The following NFKB2 variants were observed in gnomAD, a reference collection of about 807,000 sequenced individuals.
The protein encoded by NFKB2 is nuclear factor NF-kappa-B p100 subunit.
Under a neutral mutation model 109.3 loss-of-function variants are expected in NFKB2, and 21 were observed. The observed-to-expected ratio is 0.19, with a 90% CI of 0.14 to 0.28. NFKB2 has a LOEUF of 0.28. Ranked by LOEUF, NFKB2 falls within the 10% of genes least tolerant of loss-of-function variation. NFKB2 has a pLI of 1.00. For synonymous variants in NFKB2, 478 were observed against 489.9 expected (o/e 0.98, Z 0.32); for missense variants, 806 against 1,185.3 (o/e 0.68, Z 4.70).
Position 102,399,990 on chromosome 10 carries a change from C to G in NFKB2, c.1470-90C>G, listed in dbSNP as rs2061199422. On this transcript the variant is annotated intron_variant, in intron 14 of 22. Coordinates refer to ENST00000661543, the MANE Select transcript of NFKB2 (RefSeq NM_001322934.2). ...GGGCCACGTGCTGGGTTCCATGGGC[C>G]CCAGCGAGGGAGACTATGAGGGCGG... The G allele has an allele frequency of 2.5e-5, 34 of 1,354,810 alleles. No homozygotes were observed. In the South Asian group the frequency reaches 3.7e-4, roughly 15 times the overall value. 83.9% of individuals were successfully genotyped at this position (1,354,810 alleles called of 1,614,324 possible).
chr10:102,397,485 G>T lies in NFKB2; in HGVS notation c.503-42G>T. ...TGGGAGGTGCTCATGGAAGGAGCAG[G>T]GAGGGAGAAGCCCAGGGGTCACACA... is the stretch of plus-strand genomic sequence containing the variant. On this transcript the variant is annotated intron_variant, in intron 7 of 22. Transcript: ENST00000661543. The surrounding 1 kb of genome is among the most constrained non-coding windows in gnomAD (Gnocchi z 4.7). 1 of 1,608,822 alleles carries T rather than the reference G, an allele frequency of 6.2e-7. No individual in the cohort carries two copies. The highest frequency in any genetic ancestry group is 8.5e-7 in the Non-Finnish European group (1 of 1,177,004).
upstream of NFKB2, chr10:102,395,646 G>A (rs2061092772): frequency 2.0e-6 from 1 of 491,432 alleles, no homozygotes; most frequent in Non-Finnish European, 3.7e-6. Flanking sequence ...TCATTTCCAG[G>A]CCCGCCCCCT....
At chr10:102,399,739 CG>C in intron 14 of NFKB2, 21 bp downstream of exon 14, 1 of 1,447,562 alleles carries the variant, frequency 6.9e-7, no homozygotes. Context: ...GAGGGCCTGG[CG>C]GACGAGGCGC....
chr10:102,395,418 C>G (rs773650272), upstream of NFKB2, among the ~76,000 whole-genome samples: 1 of 151,718 alleles, frequency 6.6e-6, no homozygotes, highest in Admixed American at 6.5e-5. Flanking sequence ...TGCTCCAGAC[C>G]GGGGGAGGGG....
At position 102,402,468 on chromosome 10, in the gene NFKB2, A is replaced by T. The variant is rs1164711461; in HGVS notation, c.*92A>T. 2 of 702,900 alleles carry T rather than the reference A, an allele frequency of 2.8e-6. No individual in the cohort carries two copies. The highest frequency in any genetic ancestry group is 3.7e-5 in the African/African-American group (2 of 54,562). 43.5% of individuals were successfully genotyped at this position (702,900 alleles called of 1,614,324 possible). A position where few individuals can be genotyped will look rare whatever the true frequency, so the allele number is the denominator to read the frequency against. ...ATTTAACACCCCACACCCACCCCTC[A>T]GTTGGGACAAATAAAGGATTCTCAT... On this transcript the variant is annotated 3_prime_UTR_variant, in exon 23 of 23. Coordinates refer to ENST00000661543, the MANE Select transcript of NFKB2 (RefSeq NM_001322934.2).
Position 102,399,672 on chromosome 10 carries a change from G to C in NFKB2, c.1423G>C (p.Ala475Pro). The C allele has an allele frequency of 2.0e-6, 3 of 1,524,536 alleles. No individual in the cohort carries two copies. The highest frequency in any genetic ancestry group is 2.6e-6 in the Non-Finnish European group (3 of 1,134,214). The allele number at this position is 1,524,536 out of a possible 1,614,324, so 94.4% of individuals were successfully genotyped here. A position where few individuals can be genotyped will look rare whatever the true frequency, so the allele number is the denominator to read the frequency against. The change falls in exon 14 of 23, where the codon GCG becomes CCG. Residue 475 changes from alanine (A) to proline (P), a missense_variant. Transcript: ENST00000661543. ...GVTADARALL[A>P]GQRHLLTAQD... is the part of the protein sequence containing the mutation. ...CACCGCGGACGCGCGCGCGCTGCTG[G>C]CGGGACAGCGCCACCTGCTGACGGC...
rs1307905805 is a variant in NFKB2 at position 102,395,721 on chromosome 10, C to G, written c.-148C>G. On this transcript the variant is annotated 5_prime_UTR_variant, in exon 1 of 23. Transcript: ENST00000661543. ...AGCTGCTCTAACTTTCCTGCCCCTT[C>G]CCCGGCCAAGCCCAACTCCGGATCT... The G allele has an allele frequency of 8.4e-6, 5 of 594,690 alleles. No homozygotes were observed. The highest frequency in any genetic ancestry group is 1.5e-5 in the Non-Finnish European group (5 of 332,368). 36.8% of individuals were successfully genotyped at this position (594,690 alleles called of 1,614,324 possible).
Position 102,398,918 on chromosome 10 carries a change from A to G in NFKB2, c.1117+54A>G, listed in dbSNP as rs903798897. ...AAAGGTAAGAGAAGCTGTGGAGGAAAAAAATCTGGGGGAGGCCGGGCGTGG... is the reference window on the plus strand; with the variant it reads ...AAAGGTAAGAGAAGCTGTGGAGGAAGAAAATCTGGGGGAGGCCGGGCGTGG... On this transcript the variant is annotated intron_variant, in intron 12 of 22. Transcript: ENST00000661543. The surrounding 1 kb of genome is among the most constrained non-coding windows in gnomAD (Gnocchi z 6.6). 3 of 1,563,316 alleles carry G rather than the reference A, an allele frequency of 1.9e-6. No homozygotes were observed. The highest frequency in any genetic ancestry group is 2.4e-5 in the South Asian group (2 of 82,654).
At position 102,397,089 on chromosome 10, in the gene NFKB2, T is replaced by C. The variant is rs767803733; in HGVS notation, c.395+34T>C. 1.8e-5 allele frequency: 29 copies of C among 1,596,368 alleles called. No homozygotes were observed. The highest frequency in any genetic ancestry group is 2.3e-5 in the Non-Finnish European group (27 of 1,166,790). On this transcript the variant is annotated intron_variant, in intron 6 of 22. Coordinates refer to ENST00000661543, the MANE Select transcript of NFKB2 (RefSeq NM_001322934.2). This position sits in a 1 kb window ranked among gnomAD's most constrained non-coding sequence, Gnocchi z 4.7. ...CCTCTACGCCTGGCCCCCACTGGTA[T>C]GCCCGTCTGCCAGTCCCAGGCCCCA...
At chr10:102,399,016 C>T (rs1342809624) in intron 12 of NFKB2, 152 bp downstream of exon 12, 2 of 880,728 alleles carry the variant, frequency 2.3e-6, no homozygotes, top group Non-Finnish European at 3.4e-6. Context: ...AGTTCAAGAC[C>T]AGCTTGGCCA....
In NFKB2 at chr10:102,399,565, T is replaced by G; in HGVS notation, c.1328-12T>G. The G allele has an allele frequency of 1.3e-6, 2 of 1,548,844 alleles. No individual in the cohort carries two copies. The highest frequency in any genetic ancestry group is 1.7e-6 in the Non-Finnish European group (2 of 1,146,756). ...GGACCTAGCCCTGACCCACGCCCTC[T>G]GTGGCCCGTAGCTCGAGAGTACAAC... On this transcript the variant is annotated splice_polypyrimidine_tract_variant and intron_variant, in intron 13 of 22. Transcript: ENST00000661543.
chr10:102,401,748 C>T lies in NFKB2; in HGVS notation c.2297C>T (p.Pro766Leu), dbSNP rs535059248. Residue 766 changes from proline (P) to leucine (L), a missense_variant, in exon 21 of 23, where the codon CCG becomes CTG. Pro to Leu is a moderately conservative substitution (Grantham distance 98). This residue lies in a region of NFKB2 where 211 missense variants were observed against 268.7 expected (regional missense o/e 0.79). Coordinates refer to ENST00000661543, the MANE Select transcript of NFKB2 (RefSeq NM_001322934.2). This position sits in a 1 kb window ranked among gnomAD's most constrained non-coding sequence, Gnocchi z 4.2. ...PPLTPPSPAGPGLSLGDTALQ... is the reference protein window; with the variant it reads ...PPLTPPSPAGLGLSLGDTALQ... ...TCTGTATGTGTGTCCCCCTAAGGGC[C>T]GGGACTGTCACTTGGTGATACAGCT... 9 of 1,598,454 alleles carry T rather than the reference C, an allele frequency of 5.6e-6. No homozygotes were observed. The highest frequency in any genetic ancestry group is 3.3e-5 in the South Asian group (3 of 89,674).
chr10:102,395,687 A>G, upstream of NFKB2: 2 of 491,802 alleles, frequency 4.1e-6, no homozygotes, highest in Non-Finnish European at 7.3e-6. Context: ...TATTTTCGGG[A>G]CTTTCCTAAG....
Position 102,397,759 on chromosome 10 carries a change from G to A in NFKB2, c.661+74G>A. On this transcript the variant is annotated intron_variant, in intron 8 of 22. Coordinates refer to ENST00000661543, the MANE Select transcript of NFKB2 (RefSeq NM_001322934.2). This position sits in a 1 kb window ranked among gnomAD's most constrained non-coding sequence, Gnocchi z 4.7. ...ATGAGGGGTGACCTCAAGCTGTGCAGTCAAACAGACCCAGGTTTCAGAACC... is the reference window on the plus strand; with the variant it reads ...ATGAGGGGTGACCTCAAGCTGTGCAATCAAACAGACCCAGGTTTCAGAACC... 1.9e-6 allele frequency: 3 copies of A among 1,539,780 alleles called. No homozygotes were observed. The highest frequency in any genetic ancestry group is 2.6e-6 in the Non-Finnish European group (3 of 1,133,032).
chr10:102,397,589 A>G lies in NFKB2; in HGVS notation c.565A>G (p.Ile189Val), dbSNP rs2061140048. 1 of 1,614,096 alleles carries G rather than the reference A, an allele frequency of 6.2e-7. No homozygotes were observed. The highest frequency in any genetic ancestry group is 8.5e-7 in the Non-Finnish European group (1 of 1,179,950). ...KELKKVMDLS[I>V]VRLRFSAFLR... Reference sequence around the variant, plus strand: ...ACTGAAGAAGGTGATGGATCTGAGTATAGTGCGGCTGCGCTTCTCTGCCTT... The same window carrying G: ...ACTGAAGAAGGTGATGGATCTGAGTGTAGTGCGGCTGCGCTTCTCTGCCTT... The change falls in exon 8 of 23, where the codon ATA (isoleucine) becomes GTA (valine). Residue 189 changes from isoleucine (I) to valine (V), a missense_variant. Physicochemically the swap from Ile to Val is conservative, Grantham distance 29. Transcript: ENST00000661543. This position sits in a 1 kb window ranked among gnomAD's most constrained non-coding sequence, Gnocchi z 4.7.
At position 102,402,518 on chromosome 10, in the gene NFKB2, C is replaced by A; in HGVS notation, c.*142C>A. On this transcript the variant is annotated 3_prime_UTR_variant, in exon 23 of 23. Transcript: ENST00000661543. ...TGGGAAGGGGAGGACCCCTCCTTCC[C>A]AACTTATGGCAGCCCCTGATGTGAC... is the stretch of plus-strand genomic sequence containing the variant. 1 of 573,188 alleles carries A rather than the reference C, an allele frequency of 1.7e-6. No individual in the cohort carries two copies. Among genetic ancestry groups the A allele is most frequent in the Non-Finnish European group, 3.0e-6 (1 of 328,246 alleles). The allele number at this position is 573,188 out of a possible 1,614,324, so 35.5% of individuals were successfully genotyped here.
At position 102,397,866 on chromosome 10, in the gene NFKB2, T is replaced by C. The variant is rs2061145003; in HGVS notation, c.662-115T>C. On this transcript the variant is annotated intron_variant, in intron 8 of 22. Transcript: ENST00000661543. The surrounding 1 kb of genome is among the most constrained non-coding windows in gnomAD (Gnocchi z 4.7). ...TTCTGTCTTTAGTAAATGTGTATAT[T>C]GGGTGTTTCCTGCAGCTCCAGGGGT... 1 of 1,261,222 alleles carries C rather than the reference T, an allele frequency of 7.9e-7. No individual in the cohort carries two copies. Among genetic ancestry groups the C allele is most frequent in the African/African-American group, 1.5e-5 (1 of 66,994 alleles). The allele number at this position is 1,261,222 out of a possible 1,614,324, so 78.1% of individuals were successfully genotyped here. A position where few individuals can be genotyped will look rare whatever the true frequency, so the allele number is the denominator to read the frequency against.
In NFKB2 at chr10:102,396,107, A is replaced by G. The variant is rs570771904; in HGVS notation, c.21+127A>G. On this transcript the variant is annotated intron_variant, in intron 2 of 22. Coordinates refer to ENST00000661543, the MANE Select transcript of NFKB2 (RefSeq NM_001322934.2). The surrounding 1 kb of genome is among the most constrained non-coding windows in gnomAD (Gnocchi z 5.9). ...ATGCTCTCAGCCTGCCAGTCTGTCC[A>G]TCTGTCTGCAACTCTGCCTCCAAAA... 3.9e-5 allele frequency: 57 copies of G among 1,474,818 alleles called. No homozygotes were observed. In the African/African-American group the frequency reaches 7.2e-4, roughly 19 times the overall value. 91.4% of individuals were successfully genotyped at this position (1,474,818 alleles called of 1,614,324 possible). A position where few individuals can be genotyped will look rare whatever the true frequency, so the allele number is the denominator to read the frequency against.
chr10:102,396,918 G>C lies in NFKB2; in HGVS notation c.258G>C (p.Glu86Asp). The change falls in exon 6 of 23, where the codon GAG (glutamate) becomes GAC (aspartate). Residue 86 changes from glutamate (E) to aspartate (D), a missense_variant. Around this residue, in one of 10 missense-constraint regions of NFKB2, gnomAD observed 24 missense variants for 105.2 expected, o/e 0.23. Coordinates refer to ENST00000661543, the MANE Select transcript of NFKB2 (RefSeq NM_001322934.2). The surrounding 1 kb of genome is among the most constrained non-coding windows in gnomAD (Gnocchi z 5.9). ...TYPTVKICNYEGPAKIEVDLV... is the reference protein window; with the variant it reads ...TYPTVKICNYDGPAKIEVDLV... ...GCCTCTCCTAGATCTGTAACTACGA[G>C]GGACCAGCCAAGATCGAGGTGGACC... 1 of 1,603,744 alleles carries C rather than the reference G, an allele frequency of 6.2e-7. No homozygotes were observed. Among genetic ancestry groups the C allele is most frequent in the Non-Finnish European group, 8.5e-7 (1 of 1,171,258 alleles).
Sources: gnomAD v4.1 joint callset for allele counts (sites outside exome capture counted in the v4.1 genomes callset) on GRCh38, gnomAD v4.1.1 for gene constraint, gnomAD v4.1.1 regional missense constraint, Gnocchi (gnomAD v3.1) non-coding constraint, MANE v1.5 for transcripts, NCBI Gene and HGNC (gene_info 2026-07-23, HGNC 2026-07-21) for gene names.